SEMA3D: variants seen among roughly 807,000 people sequenced by gnomAD.
The protein encoded by SEMA3D is semaphorin 3D.
A neutral mutation model predicts 100.1 loss-of-function variants in SEMA3D; 84 were observed. The ratio of observed to expected loss-of-function variants is 0.84; its 90% CI spans 0.70 to 1.01. The LOEUF (loss-of-function observed/expected upper bound fraction) is 1.01, where lower values mean the gene tolerates loss of function less well. Among genes scored for constraint, SEMA3D ranks in the 50% least tolerant of loss-of-function variants. The probability of loss-of-function intolerance (pLI) is 0.00; values close to 1 mark genes in which losing one functional copy is unlikely to be tolerated. For synonymous variants in SEMA3D, 312 were observed against 320.7 expected, an observed-to-expected ratio of 0.97 and a Z score of 0.29; for missense variants, 875 against 934.1, an observed-to-expected ratio of 0.94 and a Z score of 0.82.
intron 12 of SEMA3D, among the ~76,000 whole-genome samples, chr7:85,026,483 A>T (rs1420609690): frequency 6.6e-6 from 1 of 152,076 alleles, no homozygotes; most frequent in Non-Finnish European, 1.5e-5. Flanking sequence ...TGTTAGCTAC[A>T]TTCCTCAGGT....
chr7:85,116,369 T>TA (rs1789246047), intron 3 of SEMA3D, among the ~76,000 whole-genome samples: 1 of 145,494 alleles, frequency 6.9e-6, no homozygotes, highest in Admixed American at 7.0e-5. Context: ...AATATATTTA[T>TA]ATATATTTAT....
intron 9 of SEMA3D, among the ~76,000 whole-genome samples, chr7:85,050,120 CAGAG>C (rs980870075): frequency 7.2e-6 from 1 of 139,728 alleles, no homozygotes; most frequent in Non-Finnish European, 1.6e-5. Context: ...CACACACACA[CAGAG>C]ACAGAGTAAT....
chr7:85,218,444 A>G, the SEMA3D span, among the ~76,000 whole-genome samples: 1 of 151,832 alleles, frequency 6.6e-6, no homozygotes, highest in Non-Finnish European at 1.5e-5. Context: ...CTTTGATGCG[A>G]CTCTATATTT....
At chr7:85,054,913 CAT>C (rs1791265573) in intron 9 of SEMA3D, among the ~76,000 whole-genome samples, 1 of 151,988 alleles carries the variant, frequency 6.6e-6, no homozygotes. Context: ...AACATTATTC[CAT>C]AAAGCTTGTA....
At chr7:85,206,655 GA>G in the SEMA3D span, among the ~76,000 whole-genome samples, 1 of 151,994 alleles carries the variant, frequency 6.6e-6, no homozygotes, top group African/African-American at 2.4e-5. Context: ...AAAGATTAAA[GA>G]AAAATACTCA....
intron 2 of SEMA3D, among the ~76,000 whole-genome samples, chr7:85,137,551 G>T (rs1789904805): frequency 6.6e-6 from 1 of 151,890 alleles, no homozygotes; most frequent in Admixed American, 6.6e-5. Context: ...CCATTTTCAT[G>T]CCACTAATGT....
chr7:85,220,884 A>G, the SEMA3D span, among the ~76,000 whole-genome samples: 43 of 152,284 alleles, frequency 2.8e-4, no homozygotes, highest in African/African-American at 1.0e-3. Context: ...GGGCCCAACT[A>G]CATAGAATCA....
rs1790760566 is a variant in SEMA3D, at chr7:85,038,313, G to GGTAA, written c.1047-1284_1047-1281dup. On this transcript the variant is annotated intron_variant, in intron 11 of 18. Transcript: ENST00000284136. ...TTAATGGGAACCTTTGAGAGGTAATGGTAAATAGGTAGGTGGAAGAAAACT... is the reference window on the plus strand; with the variant it reads ...TTAATGGGAACCTTTGAGAGGTAATGGTAAGTAAATAGGTAGGTGGAAGAAAACT... Among the ~76,000 whole-genome samples the GGTAA allele has an allele frequency of 2.0e-5, 3 of 152,304 alleles. No individual in the cohort carries two copies. The South Asian group carries it at 6.2e-4, about 32-fold the overall frequency.
chr7:85,116,977 A>G (rs953959622), intron 3 of SEMA3D, among the ~76,000 whole-genome samples: 1 of 152,118 alleles, frequency 6.6e-6, no homozygotes, highest in Non-Finnish European at 1.5e-5. Flanking sequence ...AGTTCCTTAC[A>G]TATGTGACTT....
chr7:85,141,098 C>T (rs1431965980), intron 2 of SEMA3D: 3 of 972,994 alleles, frequency 3.1e-6, no homozygotes, highest in Non-Finnish European at 3.7e-6. Flanking sequence ...TTAAAAATTT[C>T]AGAGATGTTT....
intron 13 of SEMA3D, among the ~76,000 whole-genome samples, chr7:85,021,510 CT>C (rs1562785955): frequency 6.6e-6 from 1 of 151,760 alleles, no homozygotes; most frequent in African/African-American, 2.4e-5. Flanking sequence ...GACAAAGGTC[CT>C]CTGATTCCGT....
chr7:85,084,949 T>C (rs1788175033), intron 4 of SEMA3D, among the ~76,000 whole-genome samples: 2 of 152,318 alleles, frequency 1.3e-5, no homozygotes, highest in African/African-American at 4.8e-5. Flanking sequence ...ACTCCATTCA[T>C]GTTTCTGCAA....
chr7:85,150,348 T>TATATATATATATATATATA (rs1247519181), intron 2 of SEMA3D, among the ~76,000 whole-genome samples: 4 of 125,268 alleles, frequency 3.2e-5, no homozygotes, highest in Non-Finnish European at 4.8e-5. Flanking sequence ...TTTCTAGAAA[T>TATATATATATATATATATA]ATATATATAT....
intron 1 of SEMA3D, among the ~76,000 whole-genome samples, chr7:85,156,001 G>A (rs531586101): frequency 1.3e-5 from 2 of 151,722 alleles, no homozygotes; most frequent in African/African-American, 4.8e-5. Context: ...TCTGATAATT[G>A]TTAGTTTTAT....
chr7:85,147,251 C>T (rs1398494065), intron 2 of SEMA3D, among the ~76,000 whole-genome samples: 2 of 151,814 alleles, frequency 1.3e-5, no homozygotes, highest in African/African-American at 4.8e-5. Context: ...TACAAGCATG[C>T]ACCACCATGC....
chr7:85,220,741 C>T, the SEMA3D span, among the ~76,000 whole-genome samples: 2 of 152,014 alleles, frequency 1.3e-5, no homozygotes, highest in Admixed American at 1.3e-4. Context: ...AGAAACAGTG[C>T]TATTTAAAAG....
intron 2 of SEMA3D, among the ~76,000 whole-genome samples, chr7:85,124,310 C>A (rs1242213630): frequency 6.6e-6 from 1 of 151,792 alleles, no homozygotes; most frequent in East Asian, 1.9e-4. Context: ...TGCTTTTATA[C>A]AAATTCCAAT....
chr7:85,150,980 T>C (rs1252616086), intron 2 of SEMA3D, among the ~76,000 whole-genome samples: 2 of 152,036 alleles, frequency 1.3e-5, no homozygotes, highest in Admixed American at 1.3e-4. Flanking sequence ...TCTAAAGCAA[T>C]TTAACTCAGT....
the SEMA3D span, among the ~76,000 whole-genome samples, chr7:85,201,353 CTT>C: frequency 6.6e-6 from 1 of 152,166 alleles, no homozygotes; most frequent in African/African-American, 2.4e-5. Flanking sequence ...TGCTGTGACT[CTT>C]CTCAGTAACT....
Sources: gnomAD v4.1 joint callset for allele counts (sites outside exome capture counted in the v4.1 genomes callset) on GRCh38, gnomAD v4.1.1 for gene constraint, MANE v1.5 for transcripts, NCBI Gene and HGNC (gene_info 2026-07-23, HGNC 2026-07-21) for gene names.